Variants in AR observed in about 807,000 individuals in gnomAD.
AR encodes androgen receptor.
In AR, 8 loss-of-function variants were observed where a neutral mutation model predicts 53.9. The ratio of observed to expected loss-of-function variants is 0.15; its 90% confidence interval spans 0.09 to 0.27. The LOEUF is 0.27. Ranked by LOEUF, AR falls within the 10% of genes least tolerant of loss-of-function variation. The pLI, the probability that AR is intolerant of heterozygous loss-of-function variation, is 1.00. For synonymous variants in AR, 359 were observed against 316.4 expected (o/e 1.13, Z -1.43); for missense variants, 639 against 742.5 (o/e 0.86, Z 1.62).
chrX:67,649,109 G>C (rs765026854), intron 2 of AR, among the ~76,000 whole-genome samples: 58 of 111,414 alleles, frequency 5.2e-4, no homozygotes, highest in African/African-American at 1.8e-3. Context: ...CCACTTATGA[G>C]TGAGAACATG....
At chrX:67,645,024 C>T (rs1345958511) in intron 2 of AR, among the ~76,000 whole-genome samples, 1 of 110,754 alleles carries the variant, frequency 9.0e-6, no homozygotes, top group East Asian at 2.9e-4. Flanking sequence ...CCTGGCACCT[C>T]CCCATACCCT....
intron 3 of AR, among the ~76,000 whole-genome samples, chrX:67,697,238 AT>A (rs2076024682): frequency 1.8e-5 from 2 of 111,713 alleles, no homozygotes; most frequent in African/African-American, 6.5e-5. Context: ...AGTCTCTCTT[AT>A]GTTACATTTC....
In AR at chrX:67,725,829, C is replaced by T. The variant is rs2076155340; in HGVS notation, c.*1988C>T. 5.7e-6 allele frequency: 1 copy of T among 174,125 alleles called. No individual in the cohort carries two copies. Among genetic ancestry groups the T allele is most frequent in the Non-Finnish European group, 1.1e-5 (1 of 91,561 alleles). The allele number at this position is 174,125 out of a possible 1,213,427, so 14.3% of individuals were successfully genotyped here. On this transcript the variant is annotated 3_prime_UTR_variant, in exon 8 of 8. Coordinates refer to ENST00000374690, the MANE Select transcript of AR (RefSeq NM_000044.6). ...TCCAATACTTTGCCACCCATGAACT[C>T]AGGGTGTGCCCTGGGACACTGGTTT...
chrX:67,631,295 G>A (rs1353524188), intron 1 of AR, among the ~76,000 whole-genome samples: 1 of 111,335 alleles, frequency 9.0e-6, no homozygotes, highest in East Asian at 2.8e-4. Context: ...CATAGATTTG[G>A]TCTTTTCCCA....
chrX:67,674,389 G>A (rs2075886375), intron 2 of AR, among the ~76,000 whole-genome samples: 1 of 110,450 alleles, frequency 9.1e-6, no homozygotes, highest in Admixed American at 9.6e-5. Flanking sequence ...CAATCAGTCA[G>A]TGGTGAAGCC....
chrX:67,723,354 CAGAG>C (rs373151625), intron 7 of AR, among the ~76,000 whole-genome samples: 1,109 of 48,818 alleles, frequency 0.023, 27 homozygotes, highest in African/African-American at 0.075. Context: ...GTGTGTGTGT[CAGAG>C]AGAGAGAGAG....
At chrX:67,642,796 G>T (rs192965432) in intron 1 of AR, among the ~76,000 whole-genome samples, 1 of 111,987 alleles carries the variant, frequency 8.9e-6, no homozygotes, top group African/African-American at 3.2e-5. Flanking sequence ...CTATTTTATA[G>T]ATGAGATTTG....
In AR at chrX:67,625,847, G is replaced by A. The variant is rs139830884; in HGVS notation, c.1617-17409G>A. On this transcript the variant is annotated intron_variant, in intron 1 of 7. Transcript: ENST00000374690. Reference sequence around the variant, plus strand: ...GTAAATCTTTATGACCTTGAAGTAGGCAATGGTTTTTTGGCTATAACACCA... The same window carrying A: ...GTAAATCTTTATGACCTTGAAGTAGACAATGGTTTTTTGGCTATAACACCA... Among the ~76,000 whole-genome samples, 59 of 111,086 alleles carry A rather than the reference G, an allele frequency of 5.3e-4. 1 individual carries two copies. In the East Asian group the frequency reaches 0.012, roughly 22 times the overall value.
intron 3 of AR, among the ~76,000 whole-genome samples, chrX:67,701,812 G>T (rs997546147): frequency 2.7e-5 from 3 of 112,078 alleles, no homozygotes; most frequent in Non-Finnish European, 5.6e-5. Flanking sequence ...GTTTTGTCAT[G>T]CTGAAAATCT....
chrX:67,640,789 AC>A (rs1212723351), intron 1 of AR, among the ~76,000 whole-genome samples: 1 of 111,301 alleles, frequency 9.0e-6, no homozygotes, highest in Non-Finnish European at 1.9e-5. Context: ...TCTAATAATA[AC>A]CATCATTATC....
At chrX:67,709,434 C>G (rs932889557) in intron 3 of AR, among the ~76,000 whole-genome samples, 1 of 112,457 alleles carries the variant, frequency 8.9e-6, no homozygotes, top group Non-Finnish European at 1.9e-5. Flanking sequence ...TGGGACCCTC[C>G]GAGCCAGGTG....
chrX:67,663,213 C>T (rs1424747357), intron 2 of AR, among the ~76,000 whole-genome samples: 3 of 111,759 alleles, frequency 2.7e-5, no homozygotes, highest in African/African-American at 6.5e-5. Context: ...CAGTTTCTTC[C>T]TAGCCTCGAC....
At chrX:67,642,854 G>T (rs1472883642) in intron 1 of AR, among the ~76,000 whole-genome samples, 1 of 111,707 alleles carries the variant, frequency 9.0e-6, no homozygotes, top group Non-Finnish European at 1.9e-5. Context: ...TTGATATTTG[G>T]TCTGGTTTTG....
intron 2 of AR, among the ~76,000 whole-genome samples, chrX:67,683,419 T>C (rs1163910152): frequency 9.0e-6 from 1 of 111,083 alleles, no homozygotes; most frequent in African/African-American, 3.3e-5. Flanking sequence ...ACTCTGTAAA[T>C]ATATTGCAGA....
intron 2 of AR, among the ~76,000 whole-genome samples, chrX:67,671,699 C>G (rs1439812256): frequency 8.9e-6 from 1 of 112,063 alleles, no homozygotes. Flanking sequence ...ATGGTATTGC[C>G]TTGGTTTTCT....
Sources: allele counts gnomAD v4.1 joint callset (sites outside exome capture counted in the v4.1 genomes callset), GRCh38; gene constraint gnomAD v4.1.1; transcripts MANE v1.5; gene names NCBI Gene and HGNC (gene_info 2026-07-23, HGNC 2026-07-21).